The following HK1 variants were observed in gnomAD, a reference collection of about 807,000 sequenced individuals.
HK1 encodes the protein hexokinase-1.
In HK1, 28 loss-of-function variants were observed where a neutral mutation model predicts 91.6. The observed-to-expected ratio is 0.31, with a 90% CI of 0.23 to 0.42. HK1 has a LOEUF of 0.42. Ranked by LOEUF, HK1 falls within the 10% of genes least tolerant of loss-of-function variation. HK1 has a pLI of 1.00. For synonymous variants in HK1, 430 were observed against 468.1 expected (o/e 0.92, Z 1.05); for missense variants, 770 against 1,219.8 (o/e 0.63, Z 5.49).
chr10:69,299,022 C>T (rs1376434522), intron 4 of HK1, among the ~76,000 whole-genome samples: 1 of 151,030 alleles, frequency 6.6e-6, no homozygotes, highest in South Asian at 2.1e-4. Flanking sequence ...TCATTGCAAC[C>T]TCTCCCTCCT....
At chr10:69,310,417 T>A (rs1191679843) in intron 5 of HK1, among the ~76,000 whole-genome samples, 1 of 125,750 alleles carries the variant, frequency 8.0e-6, no homozygotes, top group East Asian at 2.3e-4. Context: ...CCAGACTTTG[T>A]CTCAAAAAAA....
At chr10:69,345,179 C>A (rs902867851) in intron 2 of HK1, among the ~76,000 whole-genome samples, 1 of 152,086 alleles carries the variant, frequency 6.6e-6, no homozygotes, top group Non-Finnish European at 1.5e-5. Flanking sequence ...GATAAAGAGG[C>A]CTTGTGCTGT....
chr10:69,388,096 C>T (rs1351315804), intron 13 of HK1, among the ~76,000 whole-genome samples: 1 of 152,044 alleles, frequency 6.6e-6, no homozygotes, highest in Non-Finnish European at 1.5e-5. Flanking sequence ...GGCTGAGTTG[C>T]ATCTGGAAGG....
intron 1 of HK1, chr10:69,338,444 A>G (rs1216221265): frequency 1.6e-6 from 2 of 1,264,214 alleles, no homozygotes; most frequent in African/African-American, 3.1e-5. Flanking sequence ...GAGAGGGAGC[A>G]TTTGAGGGCC....
chr10:69,400,638 T>G lies in HK1; in HGVS notation c.2610-353T>G, dbSNP rs1840344693. On this transcript the variant is annotated intron_variant, in intron 17 of 17. Transcript: ENST00000359426. ...GATGTGGGTGTGTGTGTTATTCATG[T>G]CCTAGCCTTCATAAGCCATACAGAG... 2.0e-5 allele frequency among the ~76,000 whole-genome samples: 3 copies of G among 152,214 alleles called. No individual in the cohort carries two copies. The South Asian group carries it at 6.2e-4, about 31-fold the overall frequency.
intron 9 of HK1, 28 bp from the exon 10 acceptor site, chr10:69,382,459 T>C (rs1478378505): frequency 6.2e-7 from 1 of 1,612,458 alleles, no homozygotes; most frequent in East Asian, 2.2e-5. Context: ...GTCCAGCTGT[T>C]GTGGAATGTC....
chr10:69,304,732 G>A (rs1379324461), intron 5 of HK1, among the ~76,000 whole-genome samples: 2 of 152,214 alleles, frequency 1.3e-5, no homozygotes, highest in East Asian at 1.9e-4. Context: ...ATCTTTCACT[G>A]TCTCAGTAAT....
At chr10:69,322,377 C>A (rs189526650) in intron 1 of HK1, among the ~76,000 whole-genome samples, 11 of 152,280 alleles carry the variant, frequency 7.2e-5, no homozygotes, top group African/African-American at 2.6e-4. Context: ...AGGTGTCTGA[C>A]TTCCCAGTTT....
intron 1 of HK1, among the ~76,000 whole-genome samples, chr10:69,320,865 C>T (rs1564509869): frequency 6.6e-6 from 1 of 152,120 alleles, no homozygotes; most frequent in Non-Finnish European, 1.5e-5. Flanking sequence ...GGGCCCAGAG[C>T]TCTCCACTCC....
At chr10:69,398,362 T>C (rs560986262) in intron 16 of HK1, among the ~76,000 whole-genome samples, 1 of 152,364 alleles carries the variant, frequency 6.6e-6, no homozygotes, top group South Asian at 2.1e-4. Flanking sequence ...GGAAATATAT[T>C]AAAATGTTAA....
chr10:69,291,431 A>C (rs1386049785), intron 3 of HK1, among the ~76,000 whole-genome samples: 1 of 152,116 alleles, frequency 6.6e-6, no homozygotes, highest in Non-Finnish European at 1.5e-5. Flanking sequence ...CATGATCTTT[A>C]TTGTAGCTGC....
chr10:69,300,632 C>T (rs779510726), intron 4 of HK1: 14 of 733,110 alleles, frequency 1.9e-5, no homozygotes, highest in Non-Finnish European at 3.0e-5. Flanking sequence ...CTGTGAGGTT[C>T]ACAACAATTT....
intron 9 of HK1, 76 bp from the exon 10 acceptor site, chr10:69,382,411 G>A (rs962865823): frequency 4.2e-6 from 6 of 1,436,572 alleles, no homozygotes; most frequent in African/African-American, 1.4e-5. Flanking sequence ...AAAGAGTGGA[G>A]AAAGAAAGGG....
At chr10:69,322,377 C>T (rs189526650) in intron 1 of HK1, among the ~76,000 whole-genome samples, 2 of 152,162 alleles carry the variant, frequency 1.3e-5, no homozygotes, top group South Asian at 2.1e-4. Context: ...AGGTGTCTGA[C>T]TTCCCAGTTT....
At chr10:69,330,541 CCA>C (rs1847656886) in intron 1 of HK1, among the ~76,000 whole-genome samples, 3 of 151,906 alleles carry the variant, frequency 2.0e-5, no homozygotes, top group Admixed American at 2.0e-4. Context: ...GCTCCAGACT[CCA>C]AAGCCATTGA....
intron 7 of HK1, among the ~76,000 whole-genome samples, chr10:69,376,212 G>A (rs1047094970): frequency 6.6e-6 from 1 of 152,184 alleles, no homozygotes; most frequent in Non-Finnish European, 1.5e-5. Flanking sequence ...CACAGGGCTT[G>A]GGGTCTCCCA....
intron 1 of HK1, among the ~76,000 whole-genome samples, chr10:69,326,854 T>C (rs1847405767): frequency 6.6e-6 from 1 of 152,214 alleles, no homozygotes; most frequent in Admixed American, 6.5e-5. Flanking sequence ...TTTTCATGCA[T>C]GTTTTTACGC....
At position 69,393,776 on chromosome 10, in the gene HK1, A is replaced by G. The variant is rs116409839; in HGVS notation, c.2220-1174A>G. Among the ~76,000 whole-genome samples the G allele has an allele frequency of 9.3e-3, 1,422 of 152,324 alleles. 21 individuals carry two copies. Among genetic ancestry groups the G allele is most frequent in the African/African-American group, 0.033 (1,364 of 41,554 alleles). On this transcript the variant is annotated intron_variant, in intron 15 of 17. Coordinates refer to ENST00000359426, the MANE Select transcript of HK1 (RefSeq NM_000188.3). ...ACCCCCTTTGGGCTGAGTGCAGTCT[A>G]TCATCAAAGTAATCCCAGCACTTTG...
intron 1 of HK1, among the ~76,000 whole-genome samples, chr10:69,273,134 A>G (rs1192698769): frequency 6.7e-6 from 1 of 149,756 alleles, no homozygotes; most frequent in East Asian, 2.0e-4. Flanking sequence ...GGGTTCAAGC[A>G]ATTCTCCTGC....
Sources: allele counts gnomAD v4.1 joint callset (sites outside exome capture counted in the v4.1 genomes callset), GRCh38; gene constraint gnomAD v4.1.1; transcripts MANE v1.5; gene names NCBI Gene and HGNC (gene_info 2026-07-23, HGNC 2026-07-21).